Variants in EYS observed in about 807,000 individuals in gnomAD.
The protein encoded by EYS is protein eyes shut homolog.
EYS carries 250 observed loss-of-function variants against 282.1 expected under a neutral mutation model. The observed-to-expected ratio is 0.89, with a 90% CI of 0.80 to 0.98. The LOEUF is 0.98. EYS is among the 50% of genes least tolerant of loss of function. The pLI is 0.00. For synonymous variants in EYS, 1,355 were observed against 1,282.9 expected, an observed-to-expected ratio of 1.06 and a Z score of -1.20; for missense variants, 4,016 against 3,709.0, an observed-to-expected ratio of 1.08 and a Z score of -2.15.
At chr6:65,502,183 T>C (rs897475038) in intron 2 of EYS, among the ~76,000 whole-genome samples, 5 of 151,638 alleles carry the variant, frequency 3.3e-5, no homozygotes, top group Non-Finnish European at 5.9e-5. Flanking sequence ...ATGTTTTGCT[T>C]CCATGTTCTG....
chr6:63,905,329 C>CTTT (rs377115720), intron 35 of EYS, among the ~76,000 whole-genome samples: 23 of 118,304 alleles, frequency 1.9e-4, no homozygotes, highest in African/African-American at 5.1e-4. Context: ...CTTTTTTTTT[C>CTTT]TTTTTTTTTT....
chr6:65,224,774 A>G (rs762939297), intron 12 of EYS, among the ~76,000 whole-genome samples: 1 of 152,170 alleles, frequency 6.6e-6, no homozygotes, highest in Non-Finnish European at 1.5e-5. Flanking sequence ...TAAGAATACT[A>G]AGGAATACTT....
At chr6:65,416,764 T>TC (rs1192339542) in intron 5 of EYS, among the ~76,000 whole-genome samples, 1 of 151,978 alleles carries the variant, frequency 6.6e-6, no homozygotes, top group East Asian at 1.9e-4. Context: ...TAGTCTACTT[T>TC]CCTGTAAGAA....
At chr6:64,816,436 T>C (rs1764742808) in intron 21 of EYS, among the ~76,000 whole-genome samples, 1 of 152,062 alleles carries the variant, frequency 6.6e-6, no homozygotes, top group South Asian at 2.1e-4. Context: ...TGGTTGCTGT[T>C]GGTAGTAAAA....
chr6:65,246,733 C>T (rs549516950), intron 12 of EYS, among the ~76,000 whole-genome samples: 3 of 152,062 alleles, frequency 2.0e-5, no homozygotes, highest in African/African-American at 7.2e-5. Flanking sequence ...TATGCGTGCT[C>T]GCTCGCACTC....
At chr6:64,861,472 G>A (rs901800840) in intron 19 of EYS, among the ~76,000 whole-genome samples, 1 of 152,142 alleles carries the variant, frequency 6.6e-6, no homozygotes, top group African/African-American at 2.4e-5. Flanking sequence ...CATGGCTTGG[G>A]TGGCTGCAGG....
chr6:64,167,207 A>AT, intron 31 of EYS, among the ~76,000 whole-genome samples: 1 of 152,314 alleles, frequency 6.6e-6, no homozygotes, highest in East Asian at 1.9e-4. Context: ...GCAAGGAATG[A>AT]TTACCATATA....
intron 12 of EYS, among the ~76,000 whole-genome samples, chr6:65,086,330 A>T (rs1490599394): frequency 6.7e-6 from 1 of 150,094 alleles, no homozygotes; most frequent in Non-Finnish European, 1.5e-5. Context: ...AAACTAAATA[A>T]AAAAAAAAGA....
chr6:65,156,572 T>C (rs988688768), intron 12 of EYS, among the ~76,000 whole-genome samples: 1 of 151,010 alleles, frequency 6.6e-6, no homozygotes, highest in East Asian at 2.0e-4. Context: ...ATTTTGGCTG[T>C]TCCTGAGAAC....
intron 22 of EYS, among the ~76,000 whole-genome samples, chr6:64,802,318 C>T (rs1025642790): frequency 3.3e-5 from 5 of 151,934 alleles, no homozygotes; most frequent in Admixed American, 6.6e-5. Context: ...CCCTAAAGTG[C>T]TGGGATTACA....
intron 33 of EYS, among the ~76,000 whole-genome samples, chr6:64,040,305 T>C (rs1470600958): frequency 2.6e-5 from 4 of 152,142 alleles, no homozygotes; most frequent in East Asian, 1.9e-4. Flanking sequence ...AGTAATGCTA[T>C]GGGGGTGGTG....
intron 19 of EYS, among the ~76,000 whole-genome samples, chr6:64,865,431 C>T (rs913072012): frequency 6.6e-6 from 1 of 151,654 alleles, no homozygotes; most frequent in Non-Finnish European, 1.5e-5. Flanking sequence ...AGAAATGCAC[C>T]CCAGGCATAG....
At chr6:64,409,494 T>C (rs183546696) in intron 28 of EYS, among the ~76,000 whole-genome samples, 1 of 152,326 alleles carries the variant, frequency 6.6e-6, no homozygotes, top group Admixed American at 6.5e-5. Flanking sequence ...TTTTGTTTCT[T>C]TTTCTTTCCA....
intron 12 of EYS, among the ~76,000 whole-genome samples, chr6:65,241,466 C>T (rs1767056380): frequency 6.6e-6 from 1 of 152,084 alleles, no homozygotes; most frequent in Non-Finnish European, 1.5e-5. Context: ...AATCAAAACT[C>T]ATAATCCACT....
chr6:64,804,013 G>A (rs994939546), intron 22 of EYS, among the ~76,000 whole-genome samples: 1 of 152,184 alleles, frequency 6.6e-6, no homozygotes, highest in Non-Finnish European at 1.5e-5. Context: ...GGAAGGGGGC[G>A]TGGTTCCTGC....
intron 12 of EYS, among the ~76,000 whole-genome samples, chr6:65,278,057 C>CTTTTCTTTTCTTTTCTTTTCTTTTCTTT (rs1562067588): frequency 5.0e-4 from 72 of 145,048 alleles, no homozygotes; most frequent in African/African-American, 1.8e-3. Context: ...CTTTTCTTTT[C>CTTTTCTTTTCTTTTCTTTTCTTTTCTTT]TTTTTTTCTG....
At chr6:64,776,722 T>C (rs1381035863) in intron 22 of EYS, among the ~76,000 whole-genome samples, 1 of 152,070 alleles carries the variant, frequency 6.6e-6, no homozygotes, top group African/African-American at 2.4e-5. Context: ...ATGCTTTTGG[T>C]GCTTAGGGAA....
intron 35 of EYS, among the ~76,000 whole-genome samples, chr6:63,875,930 A>T (rs572246747): frequency 5.1e-4 from 78 of 152,154 alleles, no homozygotes; most frequent in African/African-American, 1.8e-3. Context: ...CAGCTCCTGG[A>T]TTCGTTGATT....
intron 2 of EYS, among the ~76,000 whole-genome samples, chr6:65,496,867 A>C (rs182135535): frequency 1.3e-5 from 2 of 152,180 alleles, no homozygotes; most frequent in East Asian, 3.9e-4. Context: ...TTGTTAATTC[A>C]TATCAAATCT....
Sources: gnomAD v4.1 joint callset for allele counts (sites outside exome capture counted in the v4.1 genomes callset) on GRCh38, gnomAD v4.1.1 for gene constraint, MANE v1.5 for transcripts, NCBI Gene and HGNC (gene_info 2026-07-23, HGNC 2026-07-21) for gene names.